FAAP20: variants seen among roughly 807,000 people sequenced by gnomAD.
FAAP20 encodes the protein Fanconi anemia core complex-associated protein 20.
In FAAP20, 12 loss-of-function variants were observed where a neutral mutation model predicts 16.2. The ratio of observed to expected loss-of-function variants is 0.74; its 90% CI spans 0.48 to 1.20. FAAP20 has a LOEUF of 1.20. Among genes scored for constraint, FAAP20 ranks in the 50% most tolerant of loss-of-function variants. FAAP20 has a pLI of 0.00. For synonymous variants in FAAP20, 141 were observed against 110.7 expected, an observed-to-expected ratio of 1.27 and a Z score of -1.72; for missense variants, 288 against 245.8, an observed-to-expected ratio of 1.17 and a Z score of -1.15.
At chr1:2,202,682 C>T (rs1018515484), upstream of FAAP20, among the ~76,000 whole-genome samples, 1 of 152,080 alleles carries the variant, frequency 6.6e-6, no homozygotes, top group Admixed American at 6.6e-5. Context: ...TGCCATGTTG[C>T]CCAGGCTGGT....
intron 3 of FAAP20, 36 bp downstream of exon 3, chr1:2,193,603 G>A (rs775039498): frequency 1.9e-6 from 3 of 1,578,140 alleles, no homozygotes; most frequent in Non-Finnish European, 2.6e-6. Flanking sequence ...AAACACGGAT[G>A]GATAACCGGG....
At chr1:2,185,333 C>G (rs542120700), downstream of FAAP20, 101 of 718,780 alleles carry the variant, frequency 1.4e-4, 2 homozygotes, top group South Asian at 1.4e-3. Flanking sequence ...ATGCACTGAC[C>G]TGCTCCGCCA....
chr1:2,211,046 G>C (rs1689420610), downstream of FAAP20, among the ~76,000 whole-genome samples: 1 of 152,142 alleles, frequency 6.6e-6, no homozygotes, highest in South Asian at 2.1e-4. Context: ...CCTGGGGCCA[G>C]GGTGTTCTGA....
chr1:2,186,306 TGC>T (rs1008846138), downstream of FAAP20: 4 of 228,456 alleles, frequency 1.8e-5, no homozygotes, highest in African/African-American at 9.3e-5. Context: ...CGCCTTGCCT[TGC>T]CTCAAGGTCA....
At chr1:2,194,869 G>T, upstream of FAAP20, 1 of 912,106 alleles carries the variant, frequency 1.1e-6, no homozygotes, top group Non-Finnish European at 1.3e-6. Flanking sequence ...GAGACAGTCG[G>T]AACCCCAGGG....
chr1:2,195,123 C>T (rs1470929876), upstream of FAAP20, among the ~76,000 whole-genome samples: 1 of 152,206 alleles, frequency 6.6e-6, no homozygotes, highest in Non-Finnish European at 1.5e-5. Context: ...TCTGCGGAGC[C>T]GCCTCTCCTC....
Position 2,189,708 on chromosome 1 carries a change from C to A in FAAP20, c.*1G>T. On this transcript the variant is annotated 3_prime_UTR_variant, in exon 4 of 4. Coordinates refer to ENST00000378546, the MANE Select transcript of FAAP20 (RefSeq NM_182533.4). ...CTCTGCGCAGGGCTCTTGGATGGCG[C>A]TCACCACGTCACGTCTTCTGTGCTT... is the stretch of plus-strand genomic sequence containing the variant. 1.2e-6 allele frequency: 2 copies of A among 1,612,528 alleles called. No individual in the cohort carries two copies. The highest frequency in any genetic ancestry group is 1.7e-6 in the Non-Finnish European group (2 of 1,179,572).
At chr1:2,203,154 G>C (rs1030101791), upstream of FAAP20, among the ~76,000 whole-genome samples, 53 of 152,182 alleles carry the variant, frequency 3.5e-4, 1 homozygote, top group African/African-American at 1.3e-3. Flanking sequence ...CGAGGCCCCA[G>C]GAAGCTATCT....
chr1:2,205,520 C>T (rs1355815396), intron 3 of FAAP20, among the ~76,000 whole-genome samples: 3 of 151,998 alleles, frequency 2.0e-5, no homozygotes, highest in Admixed American at 2.0e-4. Context: ...GCTTCCGGGG[C>T]GGCCGTGCAA....
chr1:2,193,413 G>C (rs1346093223), intron 3 of FAAP20: 1 of 664,646 alleles, frequency 1.5e-6, no homozygotes, highest in African/African-American at 1.9e-5. Flanking sequence ...GCTGTTCTGT[G>C]GGCCCCCAGC....
intron 3 of FAAP20, among the ~76,000 whole-genome samples, chr1:2,205,592 G>C (rs1028377820): frequency 1.3e-5 from 2 of 152,156 alleles, no homozygotes; most frequent in Non-Finnish European, 2.9e-5. Context: ...ACGGCGAAGG[G>C]GCGGGTGAAA....
intron 3 of FAAP20, chr1:2,192,427 A>G (rs1688334873): frequency 1.0e-6 from 1 of 998,016 alleles, no homozygotes; most frequent in Non-Finnish European, 1.2e-6. Context: ...AACTGCTTAA[A>G]AAGCTCAAAA....
chr1:2,210,274 A>G (rs571727956), downstream of FAAP20, among the ~76,000 whole-genome samples: 118 of 152,284 alleles, frequency 7.7e-4, no homozygotes, highest in African/African-American at 2.7e-3. Context: ...TTCTTTCTGT[A>G]TCGTTTCTGG....
chr1:2,212,210 G>C (rs1689473263), exon 2 of FAAP20: 1 of 140,666 alleles, frequency 7.1e-6, no homozygotes, highest in Non-Finnish European at 1.6e-5. Flanking sequence ...CCAAGAGCAA[G>C]CTTCTGATGT....
At chr1:2,185,795 G>A (rs1016283766), downstream of FAAP20, among the ~76,000 whole-genome samples, 3 of 152,254 alleles carry the variant, frequency 2.0e-5, no homozygotes, top group African/African-American at 7.2e-5. Context: ...CCTGCACGAT[G>A]CCTCGTGCGA....
In FAAP20 at chr1:2,194,088, C is replaced by A; in HGVS notation, c.108G>T (p.Arg36=). 1.9e-6 allele frequency: 3 copies of A among 1,612,544 alleles called. No individual in the cohort carries two copies. Among genetic ancestry groups the A allele is most frequent in the Non-Finnish European group, 2.5e-6 (3 of 1,179,912 alleles). ...GCAGTAGCTCGGCCCAGAGCCGCTC[C>A]CGCTCATCACCCCCCAGGAGAAACC... ...RPWFLLGGDE[R]ERLWAELLRT... Residue 36 remains arginine (R), a synonymous_variant, in exon 2 of 4, where the codon CGG becomes CGT. Coordinates refer to ENST00000378546, the MANE Select transcript of FAAP20 (RefSeq NM_182533.4).
chr1:2,203,379 A>G (rs1345773354), upstream of FAAP20: 1 of 979,526 alleles, frequency 1.0e-6, no homozygotes, highest in Non-Finnish European at 1.2e-6. Flanking sequence ...GGGCCCACCC[A>G]TGGCTGCCCT....
intron 1 of FAAP20, among the ~76,000 whole-genome samples, chr1:2,206,972 G>A (rs1264466189): frequency 6.6e-6 from 1 of 152,182 alleles, no homozygotes; most frequent in African/African-American, 2.4e-5. Flanking sequence ...CAGGAGGAGG[G>A]GAGACTTGCC....
downstream of FAAP20, among the ~76,000 whole-genome samples, chr1:2,187,841 G>T (rs930104217): frequency 2.0e-5 from 3 of 152,172 alleles, no homozygotes; most frequent in African/African-American, 7.2e-5. Context: ...GGACAGGCAC[G>T]TGACAGTGTG....
Sources: allele counts gnomAD v4.1 joint callset (sites outside exome capture counted in the v4.1 genomes callset), GRCh38; gene constraint gnomAD v4.1.1; transcripts MANE v1.5; gene names NCBI Gene and HGNC (gene_info 2026-07-23, HGNC 2026-07-21).